The following TSPAN15 variants were observed in gnomAD, a reference collection of about 807,000 sequenced individuals.
TSPAN15 encodes the protein tetraspanin 15, also known as tetraspanin-15.
In TSPAN15, 20 loss-of-function variants were observed where a neutral mutation model predicts 34.5. That is an observed-to-expected ratio of 0.58 (90% CI 0.41 to 0.84). The LOEUF is 0.84. Ranked by LOEUF, TSPAN15 falls within the 40% of genes least tolerant of loss-of-function variation. TSPAN15 has a pLI of 0.00. For synonymous variants in TSPAN15, 155 were observed against 153.9 expected (o/e 1.01, Z -0.05); for missense variants, 313 against 386.1 (o/e 0.81, Z 1.59).
intron 1 of TSPAN15, among the ~76,000 whole-genome samples, chr10:69,466,285 G>C (rs989465505): frequency 6.6e-6 from 1 of 152,212 alleles, no homozygotes; most frequent in African/African-American, 2.4e-5. Flanking sequence ...GCTGCTGAGT[G>C]AGGGCTAATT....
At chr10:69,465,940 AG>A (rs745692501) in intron 1 of TSPAN15, among the ~76,000 whole-genome samples, 1 of 152,218 alleles carries the variant, frequency 6.6e-6, no homozygotes, top group Admixed American at 6.5e-5. Context: ...TTGCTAACAC[AG>A]GGACTGGTAT....
downstream of TSPAN15, among the ~76,000 whole-genome samples, chr10:69,511,135 A>G (rs182014714): frequency 1.1e-4 from 16 of 152,328 alleles, no homozygotes; most frequent in African/African-American, 3.8e-4. Flanking sequence ...TGTTTGGAAT[A>G]GTTTCAGAAG....
intron 1 of TSPAN15, among the ~76,000 whole-genome samples, chr10:69,460,413 G>T (rs1841226315): frequency 6.6e-6 from 1 of 152,212 alleles, no homozygotes; most frequent in Non-Finnish European, 1.5e-5. Flanking sequence ...ACACCGTAGA[G>T]ACACTGTAGA....
At chr10:69,530,820 CTATATATATATATATATATATA>C in the TSPAN15 span, among the ~76,000 whole-genome samples, 12 of 30,780 alleles carry the variant, frequency 3.9e-4, 3 homozygotes, top group East Asian at 3.8e-3. Context: ...CTCTCTCTCT[CTATATATATATATATATATATA>C]TATATATATA....
intron 1 of TSPAN15, among the ~76,000 whole-genome samples, chr10:69,472,428 A>C (rs538223523): frequency 1.5e-3 from 229 of 152,224 alleles, no homozygotes; most frequent in African/African-American, 5.3e-3. Context: ...CATCTACCCC[A>C]GGGTTTTGCT....
At chr10:69,510,941 G>GATA (rs1404867331), downstream of TSPAN15, among the ~76,000 whole-genome samples, 1 of 152,198 alleles carries the variant, frequency 6.6e-6, no homozygotes, top group Non-Finnish European at 1.5e-5. Flanking sequence ...GATCGTGGTA[G>GATA]ATAAGCTTTT....
At chr10:69,543,542 G>T in the TSPAN15 span, among the ~76,000 whole-genome samples, 6 of 152,136 alleles carry the variant, frequency 3.9e-5, no homozygotes, top group Non-Finnish European at 7.3e-5. Flanking sequence ...CCTTGTCAGG[G>T]CCACTCCTGG....
intron 3 of TSPAN15, among the ~76,000 whole-genome samples, chr10:69,490,011 A>T (rs927082264): frequency 4.6e-5 from 7 of 152,096 alleles, no homozygotes; most frequent in Admixed American, 1.3e-4. Flanking sequence ...CTGAGCTTGG[A>T]CACCTGGAGG....
chr10:69,485,319 A>G (rs574597871), intron 3 of TSPAN15, 104 bp downstream of exon 3: 7 of 944,718 alleles, frequency 7.4e-6, no homozygotes, highest in Admixed American at 1.8e-5. Context: ...GATAACCCCC[A>G]TGGAGCTTTC....
intron 1 of TSPAN15, among the ~76,000 whole-genome samples, chr10:69,463,329 T>C (rs1020516413): frequency 2.6e-5 from 4 of 152,132 alleles, no homozygotes; most frequent in African/African-American, 9.7e-5. Flanking sequence ...CTGGCCTCCA[T>C]AGGAGAGGTG....
chr10:69,500,458 T>C (rs1842181854), intron 5 of TSPAN15, among the ~76,000 whole-genome samples: 1 of 152,148 alleles, frequency 6.6e-6, no homozygotes, highest in Non-Finnish European at 1.5e-5. Context: ...TTGGCTTGTG[T>C]AATTATGGAG....
the TSPAN15 span, among the ~76,000 whole-genome samples, chr10:69,519,743 A>T: frequency 6.7e-6 from 1 of 149,636 alleles, no homozygotes; most frequent in Non-Finnish European, 1.5e-5. Context: ...CATTGTAACC[A>T]TTTTTTTTTT....
At chr10:69,539,741 G>T in the TSPAN15 span, among the ~76,000 whole-genome samples, 2 of 152,034 alleles carry the variant, frequency 1.3e-5, no homozygotes, top group African/African-American at 4.8e-5. Context: ...GCTCCCAGGG[G>T]AATAACCTGT....
chr10:69,474,497 G>C (rs561605857), intron 1 of TSPAN15, among the ~76,000 whole-genome samples: 1 of 152,248 alleles, frequency 6.6e-6, no homozygotes, highest in South Asian at 2.1e-4. Flanking sequence ...CCTTTCAAAG[G>C]GTCTGAGAGA....
rs1842327867 is a variant in TSPAN15 at position 69,506,379 on chromosome 10, G to A, written c.735+139G>A. 1 of 763,902 alleles carries A rather than the reference G, an allele frequency of 1.3e-6. No homozygotes were observed. The highest frequency in any genetic ancestry group is 2.6e-5 in the Admixed American group (1 of 38,662). 47.3% of individuals were successfully genotyped at this position (763,902 alleles called of 1,614,324 possible). ...GGGAGGGCTGCATGGCTGGAAGGAG[G>A]GGCAAATGGCAATAGCAGTCGTGGC... On this transcript the variant is annotated intron_variant, in intron 7 of 7. Transcript: ENST00000373290. This position sits in a 1 kb window ranked among gnomAD's most constrained non-coding sequence, Gnocchi z 4.7.
intron 3 of TSPAN15, among the ~76,000 whole-genome samples, chr10:69,494,248 G>A (rs558022877): frequency 2.0e-5 from 3 of 152,194 alleles, no homozygotes; most frequent in Admixed American, 1.3e-4. Flanking sequence ...TGGGGCCTCG[G>A]TTTCCCACGG....
intron 1 of TSPAN15, among the ~76,000 whole-genome samples, chr10:69,455,055 G>A (rs1429219913): frequency 1.3e-5 from 2 of 151,344 alleles, no homozygotes; most frequent in African/African-American, 2.4e-5. Flanking sequence ...TTCAGCTACA[G>A]CGAGGGCTGA....
chr10:69,515,082 T>G, the TSPAN15 span, among the ~76,000 whole-genome samples: 1 of 152,370 alleles, frequency 6.6e-6, no homozygotes, highest in Non-Finnish European at 1.5e-5. Context: ...CTTCTTGGCT[T>G]GTCTGCCACA....
At chr10:69,476,436 A>G (rs1215834068) in intron 1 of TSPAN15, among the ~76,000 whole-genome samples, 1 of 152,072 alleles carries the variant, frequency 6.6e-6, no homozygotes, top group African/African-American at 2.4e-5. Context: ...TCACACCTGT[A>G]ATCCCAGCAC....
Sources: allele counts gnomAD v4.1 joint callset (sites outside exome capture counted in the v4.1 genomes callset), GRCh38; gene constraint gnomAD v4.1.1; non-coding constraint Gnocchi (gnomAD v3.1); transcripts MANE v1.5; gene names NCBI Gene and HGNC (gene_info 2026-07-23, HGNC 2026-07-21).